Variants in NME8 observed in about 807,000 individuals in gnomAD.
NME8 encodes NME/NM23 family member 8.
Under a neutral mutation model 82.3 loss-of-function variants are expected in NME8, and 72 were observed. The ratio of observed to expected loss-of-function variants is 0.87; its 90% CI spans 0.72 to 1.06. The LOEUF (loss-of-function observed/expected upper bound fraction) is 1.06. NME8 is among the 50% of genes least tolerant of loss of function. The pLI, the probability that NME8 is intolerant of heterozygous loss-of-function variation, is 0.00. For synonymous variants in NME8, 267 were observed against 228.5 expected (o/e 1.17, Z -1.52); for missense variants, 712 against 685.4 (o/e 1.04, Z -0.43).
intron 7 of NME8, among the ~76,000 whole-genome samples, chr7:37,863,010 T>C (rs1405835278): frequency 6.6e-6 from 1 of 151,778 alleles, no homozygotes; most frequent in Non-Finnish European, 1.5e-5. Context: ...ATCCCAGCTA[T>C]TCGGGAGACT....
chr7:37,880,056 T>G (rs2131962870), intron 12 of NME8, among the ~76,000 whole-genome samples: 1 of 150,646 alleles, frequency 6.6e-6, no homozygotes, highest in Middle Eastern at 3.4e-3. Context: ...GTTGTTCATT[T>G]TCCTCATTGT....
At chr7:37,857,903 T>A (rs1351786043) in intron 6 of NME8, among the ~76,000 whole-genome samples, 2 of 152,116 alleles carry the variant, frequency 1.3e-5, no homozygotes, top group Non-Finnish European at 1.5e-5. Flanking sequence ...ACAACTTTAA[T>A]AATCAGACAG....
At position 37,894,487 on chromosome 7, in the gene NME8, A is replaced by G; in HGVS notation, c.1421A>G (p.Lys474Arg). ...TTAGAGCAGATCCTGAAGATAGTTA[A>G]GGAGGCTGGATTTGATCTGACACAG... ...EQREQILKIV[K>R]EAGFDLTQVK... The change falls in exon 16 of 18, where the codon AAG becomes AGG. Residue 474 changes from lysine to arginine, a missense_variant. Coordinates refer to ENST00000199447, the MANE Select transcript of NME8 (RefSeq NM_016616.5). The G allele has an allele frequency of 6.8e-6, 11 of 1,613,148 alleles. No individual in the cohort carries two copies. Among genetic ancestry groups the G allele is most frequent in the Non-Finnish European group, 9.3e-6 (11 of 1,179,356 alleles).
chr7:37,878,141 T>A (rs1002112325), intron 12 of NME8, among the ~76,000 whole-genome samples: 1 of 152,202 alleles, frequency 6.6e-6, no homozygotes, highest in Non-Finnish European at 1.5e-5. Context: ...AATTACCACC[T>A]CTTCCTAGTT....
intron 11 of NME8, among the ~76,000 whole-genome samples, chr7:37,869,145 G>A (rs1784733603): frequency 6.6e-6 from 1 of 152,250 alleles, no homozygotes; most frequent in Admixed American, 6.5e-5. Context: ...AATCATAGTG[G>A]CTTTTCTTGG....
intron 6 of NME8, 132 bp from the exon 7 acceptor site, chr7:37,861,896 A>G (rs1784601815): frequency 3.9e-6 from 3 of 765,594 alleles, no homozygotes; most frequent in East Asian, 5.0e-5. Context: ...AACGTTAATT[A>G]CCATAGCTAA....
At chr7:37,874,083 A>G (rs1333074122) in intron 11 of NME8, among the ~76,000 whole-genome samples, 5 of 152,212 alleles carry the variant, frequency 3.3e-5, no homozygotes, top group African/African-American at 4.8e-5. Flanking sequence ...TCAAGGACAT[A>G]CTTAGCAATA....
chr7:37,896,840 T>C, intron 16 of NME8, 30 bp from the exon 17 acceptor site: 1 of 1,581,690 alleles, frequency 6.3e-7, no homozygotes, highest in South Asian at 1.1e-5. Context: ...TTCAGTAGGC[T>C]GGGTCTTCTG....
At chr7:37,862,914 G>A (rs1784618809) in intron 7 of NME8, among the ~76,000 whole-genome samples, 1 of 152,120 alleles carries the variant, frequency 6.6e-6, no homozygotes, top group East Asian at 1.9e-4. Context: ...GAGGTCAGGA[G>A]ATGGAGACCA....
At chr7:37,884,614 C>T (rs986345212) in intron 13 of NME8, among the ~76,000 whole-genome samples, 167 bp downstream of exon 13, 1 of 152,184 alleles carries the variant, frequency 6.6e-6, no homozygotes, top group Admixed American at 6.6e-5. Flanking sequence ...GCTCACCTGC[C>T]TGTCTTCTCT....
intron 16 of NME8, among the ~76,000 whole-genome samples, chr7:37,896,653 A>G (rs533986405): frequency 6.6e-6 from 1 of 152,382 alleles, no homozygotes; most frequent in South Asian, 2.1e-4. Context: ...GACTTCATTG[A>G]CAAATATTCT....
chr7:37,892,110 C>G (rs1186037477), intron 15 of NME8, among the ~76,000 whole-genome samples: 1 of 151,906 alleles, frequency 6.6e-6, no homozygotes, highest in East Asian at 1.9e-4. Flanking sequence ...GCCATATTTA[C>G]TTTTGTTTCA....
intron 6 of NME8, among the ~76,000 whole-genome samples, chr7:37,858,458 G>C (rs1784545097): frequency 6.6e-6 from 1 of 152,106 alleles, no homozygotes; most frequent in South Asian, 2.1e-4. Flanking sequence ...AGCTAACGTT[G>C]TTTTTGTTGT....
chr7:37,850,408 G>A lies in NME8; in HGVS notation c.64G>A (p.Glu22Lys), dbSNP rs374040658. The change falls in exon 4 of 18, where the codon GAG becomes AAG. Residue 22 changes from glutamate (E) to lysine (K), a missense_variant. Coordinates refer to ENST00000199447, the MANE Select transcript of NME8 (RefSeq NM_016616.5). ...TVINNQSLWDEMLQNKGLTVI... is the reference protein window; with the variant it reads ...TVINNQSLWDKMLQNKGLTVI... ...CATCAATAATCAAAGCCTGTGGGAT[G>A]AGATGTTGCAGAACAAAGGCTTAAC... is the stretch of plus-strand genomic sequence containing the variant. 2 of 1,614,018 alleles carry A rather than the reference G, an allele frequency of 1.2e-6. No homozygotes were observed. The highest frequency in any genetic ancestry group is 2.7e-5 in the African/African-American group (2 of 74,914).
chr7:37,894,714 A>C, intron 16 of NME8, 104 bp downstream of exon 16: 142 of 1,125,936 alleles, frequency 1.3e-4, no homozygotes, highest in Non-Finnish European at 1.4e-4. Flanking sequence ...ATCTAATCTC[A>C]TTCATGAAAA....
rs780140270 is a variant in NME8, at chr7:37,884,332, G to A, written c.1024G>A (p.Asp342Asn). 1.3e-6 allele frequency: 2 copies of A among 1,593,836 alleles called. No individual in the cohort carries two copies. The highest frequency in any genetic ancestry group is 2.7e-5 in the African/African-American group (2 of 74,456). ...DDVLRIIKDE[D>N]FKILEQRQVV... ...TGTTTTGCGTATTATTAAAGATGAA[G>A]ACTTCAAAATACTGGAGCAAAGACA... is the stretch of plus-strand genomic sequence containing the variant. Residue 342 changes from aspartate (D) to asparagine (N), a missense_variant, in exon 13 of 18, where the codon GAC becomes AAC. Transcript: ENST00000199447.
chr7:37,850,368 C>T lies in NME8; in HGVS notation c.34-10C>T, dbSNP rs760293308. The stretch of plus-strand genomic sequence containing the variant: ...CTTGAATACCTTTTACAGTGCCTTC[C>T]ACTTTGCAGACAGTCATCAATAATC... On this transcript the variant is annotated splice_polypyrimidine_tract_variant and intron_variant, in intron 3 of 17. Transcript: ENST00000199447. 4 of 1,614,110 alleles carry T rather than the reference C, an allele frequency of 2.5e-6. No homozygotes were observed. In the Admixed American group the frequency reaches 6.7e-5, roughly 27 times the overall value.
intron 6 of NME8, among the ~76,000 whole-genome samples, chr7:37,858,535 C>G (rs575633567): frequency 6.6e-6 from 1 of 152,188 alleles, no homozygotes; most frequent in East Asian, 1.9e-4. Context: ...GATTAAAATA[C>G]AGTCTCTGGA....
chr7:37,879,232 T>C (rs1463637246), intron 12 of NME8, among the ~76,000 whole-genome samples: 1 of 152,146 alleles, frequency 6.6e-6, no homozygotes, highest in African/African-American at 2.4e-5. Context: ...CCCTGCAACC[T>C]CCGCCTCCCA....
Sources: allele counts gnomAD v4.1 joint callset (sites outside exome capture counted in the v4.1 genomes callset), GRCh38; gene constraint gnomAD v4.1.1; transcripts MANE v1.5; gene names NCBI Gene and HGNC (gene_info 2026-07-23, HGNC 2026-07-21).